Variants in RIT2 observed in about 807,000 individuals in gnomAD.
The protein encoded by RIT2 is Ras like without CAAX 2, also known as GTP-binding protein Rit2.
RIT2 carries 24 observed loss-of-function variants against 23.7 expected under a neutral mutation model. That is an observed-to-expected ratio of 1.01 (90% CI 0.73 to 1.43). RIT2 has a LOEUF of 1.43. RIT2 is among the 40% of genes most tolerant of loss of function. The pLI is 0.00. For missense variants in RIT2, 236 were observed against 266.9 expected, an observed-to-expected ratio of 0.88 and a Z score of 0.81; for synonymous variants, 107 against 91.1, an observed-to-expected ratio of 1.17 and a Z score of -0.99.
chr18:42,945,647 A>G (rs1303371542), intron 3 of RIT2, among the ~76,000 whole-genome samples: 1 of 152,172 alleles, frequency 6.6e-6, no homozygotes, highest in African/African-American at 2.4e-5. Context: ...TACTAATGTC[A>G]TCATTTTGTA....
chr18:42,920,865 C>T lies in RIT2; in HGVS notation c.426+2707G>A, dbSNP rs149731670. The T allele has an allele frequency of 6.2e-3, 4,700 of 757,190 alleles. 163 individuals are homozygous for T. The Admixed American group carries it at 0.08, about 13-fold the overall frequency. The allele number at this position is 757,190 out of a possible 1,614,324, so 46.9% of individuals were successfully genotyped here. A position where few individuals can be genotyped will look rare whatever the true frequency, so the allele number is the denominator to read the frequency against. On this transcript the variant is annotated intron_variant, in intron 4 of 4. Coordinates refer to ENST00000326695, the MANE Select transcript of RIT2 (RefSeq NM_002930.4). The stretch of plus-strand genomic sequence containing the variant: ...CACCGTTGAGAGTTTAACTTTATCA[C>T]TCTAGGAATTCTCAGAGAATTCTTT...
intron 4 of RIT2, among the ~76,000 whole-genome samples, chr18:42,869,209 T>C (rs76344016): frequency 0.013 from 1,997 of 152,340 alleles, 49 homozygotes; most frequent in African/African-American, 0.045. Flanking sequence ...CTGTTCCACT[T>C]CATATCAGGC....
chr18:43,063,864 A>G (rs1336112830), intron 1 of RIT2, among the ~76,000 whole-genome samples: 1 of 152,212 alleles, frequency 6.6e-6, no homozygotes, highest in East Asian at 1.9e-4. Context: ...GGTACCAACA[A>G]GAGCTGGGAG....
Position 43,115,458 on chromosome 18 carries a change from T to A in RIT2, c.62A>T (p.Tyr21Phe). ...PGSASGGSRE[Y>F]KVVMLGAGGV... ...CCCTGCTCCCAGCATTACCACCTTG[T>A]ACTCTCTGGACCCGCCTGATGCGCT... The change falls in exon 1 of 5, where the codon TAC becomes TTC. Residue 21 changes from tyrosine to phenylalanine, a missense_variant. Physicochemically the swap from Tyr to Phe is conservative, Grantham distance 22. Coordinates refer to ENST00000326695, the MANE Select transcript of RIT2 (RefSeq NM_002930.4). 1 of 1,613,850 alleles carries A rather than the reference T, an allele frequency of 6.2e-7. No individual in the cohort carries two copies. Among genetic ancestry groups the A allele is most frequent in the Non-Finnish European group, 8.5e-7 (1 of 1,179,856 alleles).
chr18:42,758,244 A>G (rs1431001405), intron 4 of RIT2, among the ~76,000 whole-genome samples: 3 of 152,170 alleles, frequency 2.0e-5, no homozygotes, highest in Non-Finnish European at 4.4e-5. Context: ...AATAAAATAC[A>G]TTATAGGTTT....
Position 43,109,082 on chromosome 18 carries a change from T to C in RIT2, c.103+6335A>G, listed in dbSNP as rs547482804. Among the ~76,000 whole-genome samples, 13 of 152,314 alleles carry C rather than the reference T, an allele frequency of 8.5e-5. No individual in the cohort carries two copies. In the East Asian group the frequency reaches 2.1e-3, roughly 25 times the overall value. On this transcript the variant is annotated intron_variant, in intron 1 of 4. Coordinates refer to ENST00000326695, the MANE Select transcript of RIT2 (RefSeq NM_002930.4). ...AGGCTCAACTTCCTACCTGCTTTCCTAATTCACTGAGGTGGAAGGAATTGG... is the reference window on the plus strand; with the variant it reads ...AGGCTCAACTTCCTACCTGCTTTCCCAATTCACTGAGGTGGAAGGAATTGG...
intron 2 of RIT2, among the ~76,000 whole-genome samples, chr18:42,990,359 G>A (rs751034938): frequency 6.6e-6 from 1 of 152,084 alleles, no homozygotes; most frequent in African/African-American, 2.4e-5. Context: ...AAATACTACT[G>A]TCATCCTGAA....
intron 4 of RIT2, among the ~76,000 whole-genome samples, chr18:42,883,147 CGTGT>C (rs145773670): frequency 4.0e-5 from 6 of 150,944 alleles, no homozygotes; most frequent in Non-Finnish European, 8.9e-5. Context: ...AGTGTGTGTG[CGTGT>C]GTGTGTGTGT....
chr18:42,817,476 T>C (rs963714479), intron 4 of RIT2, among the ~76,000 whole-genome samples: 2 of 152,164 alleles, frequency 1.3e-5, no homozygotes, highest in African/African-American at 4.8e-5. Context: ...AGGTTAACAT[T>C]TATTAGATGT....
intron 2 of RIT2, among the ~76,000 whole-genome samples, chr18:42,979,372 T>C (rs1365947237): frequency 2.6e-5 from 4 of 152,164 alleles, no homozygotes; most frequent in African/African-American, 9.7e-5. Context: ...TTAAGATGAT[T>C]GAATACTTCT....
intron 3 of RIT2, among the ~76,000 whole-genome samples, chr18:42,941,718 GAATT>G (rs1391092253): frequency 6.6e-6 from 1 of 152,070 alleles, no homozygotes; most frequent in Admixed American, 6.6e-5. Context: ...TATTTAAGTA[GAATT>G]AATAACATTG....
At chr18:42,811,630 A>G (rs1473873288) in intron 4 of RIT2, among the ~76,000 whole-genome samples, 1 of 152,226 alleles carries the variant, frequency 6.6e-6, no homozygotes, top group Non-Finnish European at 1.5e-5. Flanking sequence ...AACTAAAAAT[A>G]AATATCACTG....
chr18:43,058,606 G>A (rs911550880), intron 1 of RIT2, among the ~76,000 whole-genome samples: 3 of 151,998 alleles, frequency 2.0e-5, no homozygotes, highest in East Asian at 1.9e-4. Context: ...ACTGTTTCTC[G>A]TCAGGTGCAG....
chr18:42,890,098 G>T (rs565809393), intron 4 of RIT2, among the ~76,000 whole-genome samples: 1 of 151,816 alleles, frequency 6.6e-6, no homozygotes, highest in Admixed American at 6.6e-5. Context: ...CATCATTTCT[G>T]GCTACCACTG....
At chr18:43,090,445 G>A (rs1488520607) in intron 1 of RIT2, among the ~76,000 whole-genome samples, 1 of 152,088 alleles carries the variant, frequency 6.6e-6, no homozygotes, top group Non-Finnish European at 1.5e-5. Flanking sequence ...GTTCAGCCAT[G>A]TGGAAGACAG....
chr18:43,065,323 T>C (rs1198636633), intron 1 of RIT2, among the ~76,000 whole-genome samples: 1 of 148,808 alleles, frequency 6.7e-6, no homozygotes, highest in Non-Finnish European at 1.5e-5. Context: ...CTAAAACTCC[T>C]GGGCTCAAGC....
At chr18:42,919,851 C>T (rs1457966193) in intron 4 of RIT2, among the ~76,000 whole-genome samples, 1 of 152,050 alleles carries the variant, frequency 6.6e-6, no homozygotes. Flanking sequence ...GAAATCCGGG[C>T]CTATCTCCTT....
At chr18:42,867,770 G>T (rs8090427) in intron 4 of RIT2, among the ~76,000 whole-genome samples, 3,813 of 152,182 alleles carry the variant, frequency 0.025, 156 homozygotes, top group African/African-American at 0.085. Flanking sequence ...CTACAGCCTG[G>T]GTAACATAGC....
chr18:42,854,626 G>A (rs1907137062), intron 4 of RIT2, among the ~76,000 whole-genome samples: 1 of 152,032 alleles, frequency 6.6e-6, no homozygotes, highest in South Asian at 2.1e-4. Context: ...ATATTTCTCT[G>A]TCTATGAGAC....
Sources: allele counts gnomAD v4.1 joint callset (sites outside exome capture counted in the v4.1 genomes callset), GRCh38; gene constraint gnomAD v4.1.1; transcripts MANE v1.5; gene names NCBI Gene and HGNC (gene_info 2026-07-23, HGNC 2026-07-21).